RANBP3L: variants seen among roughly 807,000 people sequenced by gnomAD.
RANBP3L encodes the protein ran-binding protein 3-like.
In RANBP3L, 56 loss-of-function variants were observed where a neutral mutation model predicts 67.2. The observed-to-expected ratio is 0.83, with a 90% CI of 0.67 to 1.04. RANBP3L has a LOEUF of 1.04. Ranked by LOEUF, RANBP3L falls within the 50% of genes least tolerant of loss-of-function variation. The probability of loss-of-function intolerance (pLI) is 0.00; values close to 1 mark genes in which losing one functional copy is unlikely to be tolerated. For missense variants in RANBP3L, 496 were observed against 535.5 expected, an observed-to-expected ratio of 0.93 and a Z score of 0.73; for synonymous variants, 164 against 181.4, an observed-to-expected ratio of 0.90 and a Z score of 0.77.
At chr5:36,262,858 C>A (rs914953650) in intron 6 of RANBP3L, among the ~76,000 whole-genome samples, 1 of 152,130 alleles carries the variant, frequency 6.6e-6, no homozygotes, top group Non-Finnish European at 1.5e-5. Flanking sequence ...ATTACCTAGT[C>A]ATTCAGATAA....
chr5:36,294,300 T>C (rs1474629478), intron 1 of RANBP3L, among the ~76,000 whole-genome samples: 1 of 152,032 alleles, frequency 6.6e-6, no homozygotes, highest in Non-Finnish European at 1.5e-5. Context: ...CTTTTTTTCT[T>C]TATTAGTCTT....
Position 36,301,421 on chromosome 5 carries a change from C to T in RANBP3L, c.-5G>A, listed in dbSNP as rs760072129. The T allele has an allele frequency of 9.9e-6, 16 of 1,611,730 alleles. No individual in the cohort carries two copies. The highest frequency in any genetic ancestry group is 2.2e-5 in the South Asian group (2 of 91,048). On this transcript the variant is annotated 5_prime_UTR_variant, in exon 1 of 14. Transcript: ENST00000296604. The stretch of plus-strand genomic sequence containing the variant: ...TTTTCTTGGTATGGTAGTCATGGTC[C>T]TAGCAGTATGGCTGTGACTCAAGGA...
chr5:36,283,502 A>T (rs1447770786), intron 1 of RANBP3L, among the ~76,000 whole-genome samples: 1 of 151,328 alleles, frequency 6.6e-6, no homozygotes, highest in Non-Finnish European at 1.5e-5. Context: ...AATCTGTAGT[A>T]CTGGTATGGG....
At chr5:36,299,808 A>G (rs1752492630) in intron 1 of RANBP3L, among the ~76,000 whole-genome samples, 1 of 152,224 alleles carries the variant, frequency 6.6e-6, no homozygotes, top group Non-Finnish European at 1.5e-5. Context: ...GTTGTAGAAG[A>G]ATATTTAATG....
chr5:36,261,034 A>G (rs764042755), intron 7 of RANBP3L, among the ~76,000 whole-genome samples, 170 bp from the exon 8 acceptor site: 17 of 152,198 alleles, frequency 1.1e-4, no homozygotes, highest in Non-Finnish European at 2.1e-4. Flanking sequence ...TGGCATCCAG[A>G]GGTGATTGTC....
At chr5:36,276,590 C>CT (rs201825007) in intron 1 of RANBP3L, among the ~76,000 whole-genome samples, 7,688 of 151,576 alleles carry the variant, frequency 0.051, 265 homozygotes, top group Non-Finnish European at 0.082. Flanking sequence ...TTACAATAAA[C>CT]TTTTTTTTTC....
intron 1 of RANBP3L, among the ~76,000 whole-genome samples, chr5:36,294,743 T>C (rs1206126512): frequency 6.7e-6 from 1 of 150,306 alleles, no homozygotes; most frequent in Non-Finnish European, 1.5e-5. Context: ...GTTTTATATA[T>C]ATATATATGT....
intron 4 of RANBP3L, among the ~76,000 whole-genome samples, chr5:36,266,635 A>G (rs777470591): frequency 1.8e-4 from 27 of 152,232 alleles, no homozygotes; most frequent in Non-Finnish European, 2.9e-4. Flanking sequence ...GTGTCCAGTA[A>G]AAAATGAATT....
At position 36,276,540 on chromosome 5, in the gene RANBP3L, C is replaced by A. The variant is rs762177530; in HGVS notation, c.92-5229G>T. Among the ~76,000 whole-genome samples, 4 of 152,060 alleles carry A rather than the reference C, an allele frequency of 2.6e-5. No homozygotes were observed. In the East Asian group the frequency reaches 5.8e-4, roughly 22 times the overall value. ...CTATGCATATATTTAATTGCTTTGT[C>A]CTCCAGGATTTTAAAGTATTATACT... On this transcript the variant is annotated intron_variant, in intron 1 of 13. Coordinates refer to ENST00000296604, the MANE Select transcript of RANBP3L (RefSeq NM_145000.5).
intron 1 of RANBP3L, among the ~76,000 whole-genome samples, chr5:36,299,365 G>GTGTGTGTA (rs1554021667): frequency 3.0e-4 from 44 of 148,114 alleles, no homozygotes; most frequent in African/African-American, 1.1e-3. Context: ...GTGTGTGTGT[G>GTGTGTGTA]TATATATCCT....
At chr5:36,264,319 T>C (rs1280868440) in intron 6 of RANBP3L, among the ~76,000 whole-genome samples, 1 of 152,236 alleles carries the variant, frequency 6.6e-6, no homozygotes, top group Non-Finnish European at 1.5e-5. Context: ...CTATTCCTCC[T>C]GTGTCTGCTT....
At chr5:36,257,396 TAAA>T (rs1323915208) in intron 9 of RANBP3L, 55 bp downstream of exon 9, 14 of 686,096 alleles carry the variant, frequency 2.0e-5, no homozygotes, top group East Asian at 1.5e-4. Flanking sequence ...TGTTAATAAA[TAAA>T]AAACAGGAGA....
At chr5:36,257,578 T>C in intron 8 of RANBP3L, 22 bp from the exon 9 acceptor site, 1 of 1,055,270 alleles carries the variant, frequency 9.5e-7, no homozygotes, top group East Asian at 2.6e-5. Flanking sequence ...AAAAGATGCA[T>C]TATTTTATTT....
rs1284417476 is a variant in RANBP3L at position 36,253,777 on chromosome 5, T to G, written c.1037A>C (p.Gln346Pro). ...GTTGAGGATCAGCCTTAGACTGCCT[T>G]GATTGCGCATAACTAAAATAGGAAG... ...TLQSRLIMRN[Q>P]GSLRLILNSK... is the part of the protein sequence containing the mutation. Residue 346 changes from glutamine to proline, a missense_variant, in exon 12 of 14, where the codon CAA (glutamine) becomes CCA (proline). Coordinates refer to ENST00000296604, the MANE Select transcript of RANBP3L (RefSeq NM_145000.5). 6.2e-7 allele frequency: 1 copy of G among 1,612,752 alleles called. No homozygotes were observed. The highest frequency in any genetic ancestry group is 1.1e-5 in the South Asian group (1 of 90,944).
chr5:36,277,990 T>C (rs576924594), intron 1 of RANBP3L, among the ~76,000 whole-genome samples: 2 of 152,238 alleles, frequency 1.3e-5, no homozygotes, highest in East Asian at 3.9e-4. Flanking sequence ...ACTTATTCAC[T>C]ACCACGAGAA....
At chr5:36,259,468 A>C (rs1436876518) in intron 8 of RANBP3L, among the ~76,000 whole-genome samples, 1 of 151,868 alleles carries the variant, frequency 6.6e-6, no homozygotes, top group East Asian at 1.9e-4. Flanking sequence ...CTGTGGTCCC[A>C]CCTACTCGGG....
At chr5:36,287,573 A>C (rs941255338) in intron 1 of RANBP3L, among the ~76,000 whole-genome samples, 1 of 152,222 alleles carries the variant, frequency 6.6e-6, no homozygotes, top group East Asian at 1.9e-4. Flanking sequence ...CTTTAAAACA[A>C]TACAACACTG....
chr5:36,283,180 C>A (rs1579757119), intron 1 of RANBP3L, among the ~76,000 whole-genome samples: 1 of 152,064 alleles, frequency 6.6e-6, no homozygotes, highest in African/African-American at 2.4e-5. Context: ...GCCTCAGCCT[C>A]CTGAGTAGCT....
chr5:36,253,897 C>A, intron 11 of RANBP3L, 108 bp from the exon 12 acceptor site: 1 of 1,043,320 alleles, frequency 9.6e-7, no homozygotes, highest in Non-Finnish European at 1.4e-6. Flanking sequence ...ACTGTAGATT[C>A]AATACTAACT....
Sources: allele counts gnomAD v4.1 joint callset (sites outside exome capture counted in the v4.1 genomes callset), GRCh38; gene constraint gnomAD v4.1.1; transcripts MANE v1.5; gene names NCBI Gene and HGNC (gene_info 2026-07-23, HGNC 2026-07-21).